The following PUDP variants were observed in gnomAD, a reference collection of about 807,000 sequenced individuals.
The protein encoded by PUDP is pseudouridine-5'-phosphatase.
In PUDP, 8 loss-of-function variants were observed where a neutral mutation model predicts 9.4. The ratio of observed to expected loss-of-function variants is 0.85; its 90% CI spans 0.50 to 1.53. The LOEUF is 1.53. Among genes scored for constraint, PUDP ranks in the 40% most tolerant of loss-of-function variants. PUDP has a pLI of 0.00. For missense variants in PUDP, 188 were observed against 189.7 expected (o/e 0.99, Z 0.05); for synonymous variants, 99 against 80.7 (o/e 1.23, Z -1.22).
intron 1 of PUDP, among the ~76,000 whole-genome samples, chrX:7,144,697 G>A (rs1365884037): frequency 1.8e-5 from 2 of 111,752 alleles, no homozygotes; most frequent in Non-Finnish European, 3.8e-5. Flanking sequence ...AGGTGAAGTA[G>A]AAGTCACTCA....
At chrX:7,076,788 A>C (rs1352107524) in intron 3 of PUDP, among the ~76,000 whole-genome samples, 2 of 112,310 alleles carry the variant, frequency 1.8e-5, no homozygotes, top group African/African-American at 6.5e-5. Context: ...GCAACCAACG[A>C]GCACTCTATA....
chrX:7,038,541 C>G (rs1929882229), intron 1 of PUDP, among the ~76,000 whole-genome samples: 1 of 111,742 alleles, frequency 8.9e-6, no homozygotes, highest in Admixed American at 9.5e-5. Flanking sequence ...TTTGATACCT[C>G]TTGCTTGTAG....
chrX:6,909,727 C>A (rs147116903), intron 3 of PUDP, among the ~76,000 whole-genome samples: 237 of 111,922 alleles, frequency 2.1e-3, no homozygotes, highest in African/African-American at 7.4e-3. Flanking sequence ...TAGGAGTCAG[C>A]GTGGATTTTG....
In PUDP at chrX:6,792,966, T is replaced by G. The variant is rs144461411; in HGVS notation, c.*248-86500A>C. Among the ~76,000 whole-genome samples the G allele has an allele frequency of 7.3e-3, 823 of 113,017 alleles. 13 individuals are homozygous for G. The highest frequency in any genetic ancestry group is 0.025 in the African/African-American group (781 of 31,175). On this transcript the variant is annotated intron_variant and NMD_transcript_variant, in intron 3 of 3. Coordinates refer to the PUDP transcript ENST00000655425. ...GAGAAAGTTGAGGGGCATAGGCCCA[T>G]TTGACAGGAATGTAACTGTCTCAGT...
intron 1 of PUDP, among the ~76,000 whole-genome samples, chrX:7,003,482 G>A (rs1929358116): frequency 9.0e-6 from 1 of 111,437 alleles, no homozygotes; most frequent in Admixed American, 9.5e-5. Context: ...ACACTTAAAG[G>A]GAAACCATAA....
chrX:7,085,565 A>G (rs1363743544), intron 2 of PUDP: 1 of 112,428 alleles, frequency 8.9e-6, no homozygotes, highest in African/African-American at 3.2e-5. Context: ...TTAAATCATA[A>G]GGGGTAAGCT....
intron 3 of PUDP, among the ~76,000 whole-genome samples, chrX:6,811,550 A>G (rs949259369): frequency 2.7e-5 from 3 of 111,073 alleles, no homozygotes; most frequent in East Asian, 5.7e-4. Context: ...CCTGACCTCA[A>G]TTGATCTGCC....
intron 3 of PUDP, among the ~76,000 whole-genome samples, chrX:6,831,369 A>C (rs765595116): frequency 1.3e-4 from 15 of 112,199 alleles, no homozygotes; most frequent in Non-Finnish European, 2.4e-4. Context: ...CAGGTAAGAA[A>C]GGGGTTTGTC....
At chrX:7,088,244 G>A (rs1272100710) in intron 2 of PUDP, among the ~76,000 whole-genome samples, 1 of 111,731 alleles carries the variant, frequency 9.0e-6, no homozygotes. Flanking sequence ...ACTACAGCGT[G>A]TAATTTTTTT....
intron 3 of PUDP, among the ~76,000 whole-genome samples, chrX:6,880,357 G>A (rs996320486): frequency 9.0e-6 from 1 of 110,896 alleles, no homozygotes; most frequent in African/African-American, 3.3e-5. Flanking sequence ...TATGATGTTT[G>A]GTTTTCCATT....
intron 1 of PUDP, among the ~76,000 whole-genome samples, chrX:7,006,449 A>G (rs991217824): frequency 8.9e-6 from 1 of 111,815 alleles, no homozygotes; most frequent in Non-Finnish European, 1.9e-5. Context: ...AGTGATATTG[A>G]TCAATATTTT....
At chrX:7,077,735 G>A (rs1446730980) in intron 2 of PUDP, among the ~76,000 whole-genome samples, 1 of 112,791 alleles carries the variant, frequency 8.9e-6, no homozygotes, top group Non-Finnish European at 1.9e-5. Context: ...TGCCTGCTGG[G>A]CCTCCTTATG....
At chrX:6,787,404 A>T (rs773753603) in intron 3 of PUDP, among the ~76,000 whole-genome samples, 1 of 112,014 alleles carries the variant, frequency 8.9e-6, no homozygotes, top group Non-Finnish European at 1.9e-5. Context: ...TTGCATGCCA[A>T]TCTCTATTTA....
chrX:7,063,408 T>C (rs1295149306), intron 3 of PUDP, among the ~76,000 whole-genome samples: 1 of 111,493 alleles, frequency 9.0e-6, no homozygotes, highest in Non-Finnish European at 1.9e-5. Flanking sequence ...AGGAAAATGA[T>C]GTTACTATCA....
rs1926632473 is a variant in PUDP, at chrX:6,839,436, G to A, written c.*248-132970C>T. Among the ~76,000 whole-genome samples, 3 of 111,352 alleles carry A rather than the reference G, an allele frequency of 2.7e-5. No individual in the cohort carries two copies. In the South Asian group the frequency reaches 1.1e-3, roughly 42 times the overall value. On this transcript the variant is annotated intron_variant and NMD_transcript_variant, in intron 3 of 3. Coordinates refer to the PUDP transcript ENST00000655425. Reference sequence around the variant, plus strand: ...AGCAGTCGTTAGAAATTTGGGGTGTGGAAGGAAATAATTGTCCCAAAAATG... The same window carrying A: ...AGCAGTCGTTAGAAATTTGGGGTGTAGAAGGAAATAATTGTCCCAAAAATG...
chrX:6,717,243 C>T (rs936022181), intron 1 of PUDP, among the ~76,000 whole-genome samples: 3 of 111,398 alleles, frequency 2.7e-5, no homozygotes, highest in Non-Finnish European at 5.7e-5. Flanking sequence ...TGATGGCTAG[C>T]ACCTGGGGCA....
chrX:7,086,750 T>C (rs1931276430), intron 2 of PUDP, among the ~76,000 whole-genome samples: 1 of 112,205 alleles, frequency 8.9e-6, no homozygotes, highest in Non-Finnish European at 1.9e-5. Context: ...CCTAATTTAC[T>C]AGGGACCCGG....
intron 1 of PUDP, among the ~76,000 whole-genome samples, chrX:6,982,571 C>A (rs1929050862): frequency 9.0e-6 from 1 of 111,298 alleles, no homozygotes; most frequent in Non-Finnish European, 1.9e-5. Context: ...TCTCAAAAGG[C>A]CAATCTTAGG....
intron 3 of PUDP, among the ~76,000 whole-genome samples, chrX:6,950,270 G>A (rs1928530432): frequency 3.0e-5 from 3 of 100,152 alleles, no homozygotes; most frequent in Non-Finnish European, 6.1e-5. Context: ...CCAGGGAGGT[G>A]GAGGCTGCAA....
Sources: gnomAD v4.1 joint callset for allele counts (sites outside exome capture counted in the v4.1 genomes callset) on GRCh38, gnomAD v4.1.1 for gene constraint, MANE v1.5 for transcripts, NCBI Gene and HGNC (gene_info 2026-07-23, HGNC 2026-07-21) for gene names.